AVP: variants seen among roughly 807,000 people sequenced by gnomAD.
AVP encodes the protein arginine vasopressin.
AVP carries 9 observed loss-of-function variants against 11.1 expected under a neutral mutation model. The ratio of observed to expected loss-of-function variants is 0.81; its 90% confidence interval spans 0.49 to 1.42. The LOEUF (loss-of-function observed/expected upper bound fraction) is 1.42. Ranked by LOEUF, AVP falls within the 40% of genes most tolerant of loss-of-function variation. AVP has a pLI of 0.00. For missense variants in AVP, 206 were observed against 238.5 expected, an observed-to-expected ratio of 0.86 and a Z score of 0.90; for synonymous variants, 106 against 111.3, an observed-to-expected ratio of 0.95 and a Z score of 0.30.
chr20:3,083,214 G>GC lies in AVP; in HGVS notation c.121-37dup. On this transcript the variant is annotated intron_variant, in intron 1 of 2. Coordinates refer to ENST00000380293, the MANE Select transcript of AVP (RefSeq NM_000490.5). The surrounding 1 kb of genome is among the most constrained non-coding windows in gnomAD (Gnocchi z 5.4). Reference sequence around the variant, plus strand: ...GGGCGGGGTGAGCGGGAGGAGGGGAGCCGGGAGTCGAGGGGTTGGAGGGGA... The same window carrying GC: ...GGGCGGGGTGAGCGGGAGGAGGGGAGCCCGGGAGTCGAGGGGTTGGAGGGGA... 1 of 1,438,578 alleles carries GC rather than the reference G, an allele frequency of 7.0e-7. No individual in the cohort carries two copies. Among genetic ancestry groups the GC allele is most frequent in the Non-Finnish European group, 9.1e-7 (1 of 1,095,708 alleles). The allele number at this position is 1,438,578 out of a possible 1,614,324, so 89.1% of individuals were successfully genotyped here.
rs888325542 is a variant in AVP, at chr20:3,082,946, C to CT, written c.322+30_322+31insA. ...CCCCCACCCAAGCGGTCTGCGCCCC[C>CT]CCCAGCCCCAGGCCCGCCCCCGCCG... On this transcript the variant is annotated intron_variant, in intron 2 of 2. Coordinates refer to ENST00000380293, the MANE Select transcript of AVP (RefSeq NM_000490.5). This position sits in a 1 kb window ranked among gnomAD's most constrained non-coding sequence, Gnocchi z 4.7. 8 of 1,342,642 alleles carry CT rather than the reference C, an allele frequency of 6.0e-6. No homozygotes were observed. Among genetic ancestry groups the CT allele is most frequent in the African/African-American group, 1.5e-5 (1 of 64,926 alleles). The allele number at this position is 1,342,642 out of a possible 1,614,324, so 83.2% of individuals were successfully genotyped here.
chr20:3,082,782 CG>C lies in AVP; in HGVS notation c.342del (p.Glu115SerfsTer?). On this transcript the variant is annotated frameshift_variant, in exon 3 of 3. Coordinates refer to ENST00000380293, the MANE Select transcript of AVP (RefSeq NM_000490.5). LOFTEE classifies it low-confidence loss of function (END_TRUNC). This position sits in a 1 kb window ranked among gnomAD's most constrained non-coding sequence, Gnocchi z 4.7. The part of the protein sequence containing the change: ...CCNDESCVTE[P>X]ECREGFHRRA... ...CGGCGGTGAAAGCCCTCGCGGCACT[CG>C]GGCTCGGTCACGCAGCTCTCTGCCG... The C allele has an allele frequency of 8.0e-7, 1 of 1,255,872 alleles. No homozygotes were observed. The highest frequency in any genetic ancestry group is 1.0e-6 in the Non-Finnish European group (1 of 1,002,916). 77.8% of individuals were successfully genotyped at this position (1,255,872 alleles called of 1,614,324 possible).
In AVP at chr20:3,084,665, T is replaced by G. The variant is rs994767538; in HGVS notation, c.10A>C (p.Thr4Pro). 4 of 1,613,310 alleles carry G rather than the reference T, an allele frequency of 2.5e-6. No individual in the cohort carries two copies. The highest frequency in any genetic ancestry group is 3.4e-6 in the Non-Finnish European group (4 of 1,179,996). Residue 4 changes from threonine to proline, a missense_variant, in exon 1 of 3, where the codon ACC (threonine) becomes CCC (proline). Around this residue, in one of 2 missense-constraint regions of AVP, gnomAD observed 100 missense variants for 149.3 expected, o/e 0.67. Transcript: ENST00000380293. ...CCGAGGAAGCAGGCGGGCAGCATGGTGTCAGGCATCCTGGTGCACACAGGT... is the reference window on the plus strand; with the variant it reads ...CCGAGGAAGCAGGCGGGCAGCATGGGGTCAGGCATCCTGGTGCACACAGGT... MPD[T>P]MLPACFLGLL...
Position 3,084,696 on chromosome 20 carries a change from C to A in AVP, c.-22G>T, listed in dbSNP as rs1446256728. On this transcript the variant is annotated 5_prime_UTR_variant, in exon 1 of 3. Transcript: ENST00000380293. ...GCATCCTGGTGCACACAGGTGGACC[C>A]CGTATGCAGCACTGCTTGGTGGCTC... is the stretch of plus-strand genomic sequence containing the variant. The A allele has an allele frequency of 1.2e-6, 2 of 1,612,356 alleles. No individual in the cohort carries two copies.
rs1240479591 is a variant in AVP, at chr20:3,083,471, C to T, written c.121-293G>A. 6.6e-6 allele frequency among the ~76,000 whole-genome samples: 1 copy of T among 152,192 alleles called. No homozygotes were observed. Among genetic ancestry groups the T allele is most frequent in the East Asian group, 1.9e-4 (1 of 5,190 alleles). On this transcript the variant is annotated intron_variant, in intron 1 of 2. Transcript: ENST00000380293. This position sits in a 1 kb window ranked among gnomAD's most constrained non-coding sequence, Gnocchi z 5.4. ...TGGACTACAGCGTGGGGAACCCTTC[C>T]TCGAGCCTCGGGGTCATCGCTGGTG...
rs2066121893 is a variant in AVP, at chr20:3,083,427, G to A, written c.121-249C>T. On this transcript the variant is annotated intron_variant, in intron 1 of 2. Transcript: ENST00000380293. The surrounding 1 kb of genome is among the most constrained non-coding windows in gnomAD (Gnocchi z 5.4). ...ACAGCCCTCAGCGTCCTCACCCTCAGCTAGGGACGGGTCTCCCGTGGACTA... is the reference window on the plus strand; with the variant it reads ...ACAGCCCTCAGCGTCCTCACCCTCAACTAGGGACGGGTCTCCCGTGGACTA... 6.6e-6 allele frequency among the ~76,000 whole-genome samples: 1 copy of A among 152,176 alleles called. No individual in the cohort carries two copies. The highest frequency in any genetic ancestry group is 1.5e-5 in the Non-Finnish European group (1 of 68,028).
In AVP at chr20:3,082,981, G is replaced by T; in HGVS notation, c.318C>A (p.Asn106Lys). 1 of 1,395,556 alleles carries T rather than the reference G, an allele frequency of 7.2e-7. No homozygotes were observed. Among genetic ancestry groups the T allele is most frequent in the Non-Finnish European group, 9.4e-7 (1 of 1,065,754 alleles). The allele number at this position is 1,395,556 out of a possible 1,614,324, so 86.4% of individuals were successfully genotyped here. A position where few individuals can be genotyped will look rare whatever the true frequency, so the allele number is the denominator to read the frequency against. Residue 106 changes from asparagine (N) to lysine (K), a missense_variant, in exon 2 of 3, where the codon AAC (asparagine) becomes AAA (lysine). Physicochemically the swap from Asn to Lys is moderately conservative, Grantham distance 94. Around this residue, in one of 2 missense-constraint regions of AVP, gnomAD observed 106 missense variants for 89.2 expected, o/e 1.19. Coordinates refer to ENST00000380293, the MANE Select transcript of AVP (RefSeq NM_000490.5). This position sits in a 1 kb window ranked among gnomAD's most constrained non-coding sequence, Gnocchi z 4.7. ...GRCAAFGVCC[N>K]DESCVTEPEC... ...AGGCCCGCCCCCGCCGCGCACCGTC[G>T]TTGCAGCAAACGCCGAAGGCGGCGC...
rs1488166515 is a variant in AVP at position 3,083,474 on chromosome 20, G to T, written c.121-296C>A. ...ACTACAGCGTGGGGAACCCTTCCTC[G>T]AGCCTCGGGGTCATCGCTGGTGGGC... On this transcript the variant is annotated intron_variant, in intron 1 of 2. Coordinates refer to ENST00000380293, the MANE Select transcript of AVP (RefSeq NM_000490.5). The surrounding 1 kb of genome is among the most constrained non-coding windows in gnomAD (Gnocchi z 5.4). Among the ~76,000 whole-genome samples the T allele has an allele frequency of 3.3e-5, 5 of 152,118 alleles. No individual in the cohort carries two copies. The highest frequency in any genetic ancestry group is 2.6e-4 in the Admixed American group (4 of 15,274).
At position 3,082,615 on chromosome 20, in the gene AVP, G is replaced by T; in HGVS notation, c.*15C>A. On this transcript the variant is annotated 3_prime_UTR_variant, in exon 3 of 3. Coordinates refer to ENST00000380293, the MANE Select transcript of AVP (RefSeq NM_000490.5). This position sits in a 1 kb window ranked among gnomAD's most constrained non-coding sequence, Gnocchi z 4.7. ...GGCGGGCGCGAAGAGCGCGCCGGTG[G>T]GGCGAGCGCGGGGCTCAGTAGGCGT... 1 of 1,248,492 alleles carries T rather than the reference G, an allele frequency of 8.0e-7. No homozygotes were observed. The allele number at this position is 1,248,492 out of a possible 1,614,324, so 77.3% of individuals were successfully genotyped here. A position where few individuals can be genotyped will look rare whatever the true frequency, so the allele number is the denominator to read the frequency against.
rs1064796944 is a variant in AVP, at chr20:3,082,802, T to A, written c.323A>T (p.Glu108Val). The change falls in exon 3 of 3, where the codon GAG becomes GTG. Residue 108 changes from glutamate to valine, a missense_variant and splice_region_variant. Physicochemically the swap from Glu to Val is moderately radical, Grantham distance 121. Coordinates refer to ENST00000380293, the MANE Select transcript of AVP (RefSeq NM_000490.5). This position sits in a 1 kb window ranked among gnomAD's most constrained non-coding sequence, Gnocchi z 4.7. ...GCACTCGGGCTCGGTCACGCAGCTC[T>A]CTGCCGGGAGGACGTGTGAGCACGG... ...CAAFGVCCND[E>V]SCVTEPECRE... 1.6e-6 allele frequency: 2 copies of A among 1,241,900 alleles called. No homozygotes were observed. The highest frequency in any genetic ancestry group is 2.0e-6 in the Non-Finnish European group (2 of 995,320). The allele number at this position is 1,241,900 out of a possible 1,614,324, so 76.9% of individuals were successfully genotyped here.
chr20:3,082,914 CGCGTCCCCCCCACCCAAGCGGTCT>C lies in AVP; in HGVS notation c.322+39_322+62del, dbSNP rs948461947. 31 of 810,568 alleles carry C rather than the reference CGCGTCCCCCCCACCCAAGCGGTCT, an allele frequency of 3.8e-5. No homozygotes were observed. Among genetic ancestry groups the C allele is most frequent in the African/African-American group, 2.8e-4 (14 of 49,812 alleles). 50.2% of individuals were successfully genotyped at this position (810,568 alleles called of 1,614,324 possible). A position where few individuals can be genotyped will look rare whatever the true frequency, so the allele number is the denominator to read the frequency against. ...CGCAGCCCCCACCCCGCCGCAGGCC[CGCGTCCCCCCCACCCAAGCGGTCT>C]GCGCCCCCCCCAGCCCCAGGCCCGC... On this transcript the variant is annotated intron_variant, in intron 2 of 2. Transcript: ENST00000380293. This position sits in a 1 kb window ranked among gnomAD's most constrained non-coding sequence, Gnocchi z 4.7.
Position 3,082,840 on chromosome 20 carries a change from G to A in AVP, c.323-38C>T. On this transcript the variant is annotated intron_variant, in intron 2 of 2. Transcript: ENST00000380293. This position sits in a 1 kb window ranked among gnomAD's most constrained non-coding sequence, Gnocchi z 4.7. ...CGTGTGAGCACGGGCGCCCTGGGGC[G>A]GGCGCAGCTCGGGGTGCGGGGGGCC... is the stretch of plus-strand genomic sequence containing the variant. 1 of 1,221,104 alleles carries A rather than the reference G, an allele frequency of 8.2e-7. No individual in the cohort carries two copies. The allele number at this position is 1,221,104 out of a possible 1,614,324, so 75.6% of individuals were successfully genotyped here.
chr20:3,083,761 A>G lies in AVP; in HGVS notation c.121-583T>C, dbSNP rs1247482225. 6.6e-6 allele frequency among the ~76,000 whole-genome samples: 1 copy of G among 152,190 alleles called. No homozygotes were observed. Among genetic ancestry groups the G allele is most frequent in the Non-Finnish European group, 1.5e-5 (1 of 68,040 alleles). ...CTATCAGGTGGGTGGCAGGGGCCTG[A>G]GACCTAGAGGCGAGCACGGACACCC... On this transcript the variant is annotated intron_variant, in intron 1 of 2. Coordinates refer to ENST00000380293, the MANE Select transcript of AVP (RefSeq NM_000490.5). The surrounding 1 kb of genome is among the most constrained non-coding windows in gnomAD (Gnocchi z 5.4).
rs1379956260 is a variant in AVP, at chr20:3,083,692, T to C, written c.121-514A>G. 6.6e-6 allele frequency among the ~76,000 whole-genome samples: 1 copy of C among 152,146 alleles called. No homozygotes were observed. The highest frequency in any genetic ancestry group is 2.4e-5 in the African/African-American group (1 of 41,446). ...TTGCCCCTGGCCCCCGCCAAGCTTG[T>C]CGGCCTCAGCTGGAGCCCTGACCCC... On this transcript the variant is annotated intron_variant, in intron 1 of 2. Coordinates refer to ENST00000380293, the MANE Select transcript of AVP (RefSeq NM_000490.5). The surrounding 1 kb of genome is among the most constrained non-coding windows in gnomAD (Gnocchi z 5.4).
rs1321478873 is a variant in AVP at position 3,083,104 on chromosome 20, G to A, written c.195C>T (p.Cys65=). 2 of 1,551,814 alleles carry A rather than the reference G, an allele frequency of 1.3e-6. No individual in the cohort carries two copies. The highest frequency in any genetic ancestry group is 1.8e-5 in the Admixed American group (1 of 54,760). The change falls in exon 2 of 3, where the codon TGC becomes TGT. Residue 65 remains cysteine (C), a synonymous_variant. Transcript: ENST00000380293. This position sits in a 1 kb window ranked among gnomAD's most constrained non-coding sequence, Gnocchi z 5.4. ...PSICCADELG[C]FVGTAEALRC... is the part of the protein sequence containing the mutation. ...GCAGCGCCTCAGCCGTGCCCACGAA[G>A]CAGCCCAGCTCGTCCGCGCAGCAGA... is the stretch of plus-strand genomic sequence containing the variant.
chr20:3,083,272 C>T lies in AVP; in HGVS notation c.121-94G>A. 7.8e-7 allele frequency: 1 copy of T among 1,282,192 alleles called. No homozygotes were observed. The highest frequency in any genetic ancestry group is 1.0e-6 in the Non-Finnish European group (1 of 992,982). The allele number at this position is 1,282,192 out of a possible 1,614,324, so 79.4% of individuals were successfully genotyped here. A position where few individuals can be genotyped will look rare whatever the true frequency, so the allele number is the denominator to read the frequency against. ...GAGGCGGGGATGCTGGGGTCCAGGG[C>T]TCGGAGTGCGGGCGGGACACCGGGG... On this transcript the variant is annotated intron_variant, in intron 1 of 2. Transcript: ENST00000380293. The surrounding 1 kb of genome is among the most constrained non-coding windows in gnomAD (Gnocchi z 5.4).
At chr20:3,084,325 C>T (rs1324624965) in intron 1 of AVP, among the ~76,000 whole-genome samples, 1 of 152,200 alleles carries the variant, frequency 6.6e-6, no homozygotes, top group African/African-American at 2.4e-5. Context: ...GTCTGGATGG[C>T]GACAGTGACC....
Position 3,084,468 on chromosome 20 carries a change from C to T in AVP, c.120+87G>A. 1.9e-6 allele frequency: 3 copies of T among 1,602,036 alleles called. No individual in the cohort carries two copies. The South Asian group carries it at 3.3e-5, about 18-fold the overall frequency. On this transcript the variant is annotated intron_variant, in intron 1 of 2. Transcript: ENST00000380293. Reference sequence around the variant, plus strand: ...ACTTCCCCTAAAGGCTACCACCACCCATGACTTCCCTCTTTCCTAGCCCCT... The same window carrying T: ...ACTTCCCCTAAAGGCTACCACCACCTATGACTTCCCTCTTTCCTAGCCCCT...
rs2066124632 is a variant in AVP at position 3,083,899 on chromosome 20, A to G, written c.120+656T>C. ...GGTTCTCTGGCGCAATGGATAGCGC[A>G]TTAGACTTTTAGCTGAGCCTGGTGT... On this transcript the variant is annotated intron_variant, in intron 1 of 2. Transcript: ENST00000380293. This position sits in a 1 kb window ranked among gnomAD's most constrained non-coding sequence, Gnocchi z 5.4. 6.6e-6 allele frequency among the ~76,000 whole-genome samples: 1 copy of G among 152,262 alleles called. No homozygotes were observed. Among genetic ancestry groups the G allele is most frequent in the African/African-American group, 2.4e-5 (1 of 41,466 alleles).
Sources: gnomAD v4.1 joint callset for allele counts (sites outside exome capture counted in the v4.1 genomes callset) on GRCh38, gnomAD v4.1.1 for gene constraint, gnomAD v4.1.1 regional missense constraint, Gnocchi (gnomAD v3.1) non-coding constraint, MANE v1.5 for transcripts, NCBI Gene and HGNC (gene_info 2026-07-23, HGNC 2026-07-21) for gene names.